GPC5: variants seen among roughly 807,000 people sequenced by gnomAD.
The protein encoded by GPC5 is glypican 5.
GPC5 carries 47 observed loss-of-function variants against 53.9 expected under a neutral mutation model. The ratio of observed to expected loss-of-function variants is 0.87; its 90% CI spans 0.69 to 1.11. The LOEUF (loss-of-function observed/expected upper bound fraction) is 1.11, where lower values mean the gene tolerates loss of function less well. GPC5 is among the 50% of genes most tolerant of loss of function. The probability of loss-of-function intolerance (pLI) is 0.00; values close to 1 mark genes in which losing one functional copy is unlikely to be tolerated. For missense variants in GPC5, 748 were observed against 713.1 expected (o/e 1.05, Z -0.56); for synonymous variants, 286 against 263.3 (o/e 1.09, Z -0.84).
chr13:92,098,484 G>A (rs979922961), intron 6 of GPC5, among the ~76,000 whole-genome samples: 10 of 152,164 alleles, frequency 6.6e-5, no homozygotes, highest in Admixed American at 6.5e-4. Context: ...AATGTGAACA[G>A]ACCATTTAAG....
intron 5 of GPC5, among the ~76,000 whole-genome samples, chr13:91,860,435 GTA>G (rs897375856): frequency 7.1e-6 from 1 of 141,610 alleles, no homozygotes; most frequent in African/African-American, 2.7e-5. Context: ...ACTTCATCAT[GTA>G]TATATATATA....
chr13:91,845,827 G>A (rs1248421588), intron 5 of GPC5, among the ~76,000 whole-genome samples: 2 of 152,146 alleles, frequency 1.3e-5, no homozygotes, highest in African/African-American at 4.8e-5. Flanking sequence ...TGGTTAAAAT[G>A]TAAGATTTGT....
intron 7 of GPC5, among the ~76,000 whole-genome samples, chr13:92,264,972 G>A (rs1257849298): frequency 1.3e-5 from 2 of 150,776 alleles, no homozygotes; most frequent in Admixed American, 6.7e-5. Flanking sequence ...GAAATGTAGA[G>A]AGCAGAGATT....
intron 2 of GPC5, among the ~76,000 whole-genome samples, chr13:91,569,976 G>T (rs536840011): frequency 6.6e-6 from 1 of 152,224 alleles, no homozygotes; most frequent in East Asian, 1.9e-4. Flanking sequence ...ACAAATGGAC[G>T]AAGATAATAA....
chr13:92,563,988 AATT>A (rs1322335597), intron 7 of GPC5, among the ~76,000 whole-genome samples: 1 of 74,730 alleles, frequency 1.3e-5, no homozygotes, highest in Non-Finnish European at 2.8e-5. Context: ...CTATGCACTT[AATT>A]TTTTTTTAGA....
chr13:92,227,300 C>T (rs905733772), intron 7 of GPC5, among the ~76,000 whole-genome samples: 2 of 152,062 alleles, frequency 1.3e-5, no homozygotes, highest in Admixed American at 6.5e-5. Context: ...CATTGAAAAA[C>T]GCAAACAAAA....
chr13:91,467,195 T>C (rs1335355984), intron 2 of GPC5, among the ~76,000 whole-genome samples: 2 of 152,144 alleles, frequency 1.3e-5, no homozygotes, highest in African/African-American at 4.8e-5. Flanking sequence ...GGAGTTAAGA[T>C]GTCACAGAGA....
At chr13:91,911,954 T>C (rs565545041) in intron 6 of GPC5, among the ~76,000 whole-genome samples, 1 of 152,276 alleles carries the variant, frequency 6.6e-6, no homozygotes, top group South Asian at 2.1e-4. Flanking sequence ...GCTTATTAGA[T>C]ACCCAAGAGG....
chr13:91,410,794 G>C (rs959172931), intron 1 of GPC5, among the ~76,000 whole-genome samples: 33 of 152,144 alleles, frequency 2.2e-4, no homozygotes, highest in African/African-American at 7.5e-4. Flanking sequence ...TCATTCATAT[G>C]GTAAAATCAA....
intron 7 of GPC5, among the ~76,000 whole-genome samples, chr13:92,761,399 C>T (rs1025236083): frequency 7.2e-5 from 11 of 152,162 alleles, no homozygotes; most frequent in East Asian, 1.9e-4. Flanking sequence ...ATAATTGTTA[C>T]GCCCTCTTGA....
At chr13:92,486,240 T>C (rs1039838377) in intron 7 of GPC5, among the ~76,000 whole-genome samples, 1 of 152,138 alleles carries the variant, frequency 6.6e-6, no homozygotes, top group African/African-American at 2.4e-5. Context: ...TCAGGCAAAA[T>C]TGACGGATGT....
At chr13:91,626,717 C>T (rs949578369) in intron 2 of GPC5, among the ~76,000 whole-genome samples, 7 of 151,904 alleles carry the variant, frequency 4.6e-5, no homozygotes, top group Admixed American at 6.6e-5. Flanking sequence ...ATGTGCACTA[C>T]GTGCAGGTTT....
intron 4 of GPC5, among the ~76,000 whole-genome samples, chr13:91,746,140 G>T (rs1010007151): frequency 6.6e-6 from 1 of 152,128 alleles, no homozygotes; most frequent in African/African-American, 2.4e-5. Context: ...CATTTTAAAC[G>T]TCTACTGTTT....
At chr13:92,066,221 G>T (rs1214028236) in intron 6 of GPC5, among the ~76,000 whole-genome samples, 5 of 151,944 alleles carry the variant, frequency 3.3e-5, no homozygotes, top group Admixed American at 6.6e-5. Flanking sequence ...TAAAGGACAA[G>T]GGCTGCCATA....
chr13:92,042,283 A>G (rs2040947849), intron 6 of GPC5, among the ~76,000 whole-genome samples: 1 of 152,190 alleles, frequency 6.6e-6, no homozygotes, highest in African/African-American at 2.4e-5. Context: ...CCATCAAGCT[A>G]CTAGCTACTG....
At chr13:91,714,014 C>T (rs774779353) in intron 3 of GPC5, among the ~76,000 whole-genome samples, 2 of 152,134 alleles carry the variant, frequency 1.3e-5, no homozygotes, top group African/African-American at 4.8e-5. Context: ...CTCAGAGCCT[C>T]AGAATAACCT....
At chr13:92,639,293 G>T (rs1885512340) in intron 7 of GPC5, among the ~76,000 whole-genome samples, 1 of 152,066 alleles carries the variant, frequency 6.6e-6, no homozygotes, top group South Asian at 2.1e-4. Flanking sequence ...GTCCTTTAAA[G>T]AATAGATTCT....
chr13:92,696,947 A>G (rs1290054849), intron 7 of GPC5, among the ~76,000 whole-genome samples: 1 of 152,126 alleles, frequency 6.6e-6, no homozygotes, highest in Non-Finnish European at 1.5e-5. Flanking sequence ...CCATTTATTA[A>G]ATAGGGAATC....
chr13:92,813,985 TGAAA>T lies in GPC5; in HGVS notation c.1562-52294_1562-52291del, dbSNP rs1309342831. 2.0e-5 allele frequency among the ~76,000 whole-genome samples: 3 copies of T among 151,938 alleles called. 1 individual carries two copies. Among genetic ancestry groups the T allele is most frequent in the African/African-American group, 7.3e-5 (3 of 41,268 alleles). On this transcript the variant is annotated intron_variant, in intron 7 of 7. Coordinates refer to ENST00000377067, the MANE Select transcript of GPC5 (RefSeq NM_004466.6). Reference sequence around the variant, plus strand: ...GGAGAAGTTACACTAACTGACTTTGTGAAAGAGACAGCCATTAAGATTGTGTGAT... The same window carrying T: ...GGAGAAGTTACACTAACTGACTTTGTGAGACAGCCATTAAGATTGTGTGAT...
Sources: allele counts gnomAD v4.1 joint callset (sites outside exome capture counted in the v4.1 genomes callset), GRCh38; gene constraint gnomAD v4.1.1; transcripts MANE v1.5; gene names NCBI Gene and HGNC (gene_info 2026-07-23, HGNC 2026-07-21).